The following PDXDC1 variants were observed in gnomAD, a reference collection of about 807,000 sequenced individuals.
The protein encoded by PDXDC1 is pyridoxal-dependent decarboxylase domain-containing protein 1.
Under a neutral mutation model 100.1 loss-of-function variants are expected in PDXDC1, and 42 were observed. The observed-to-expected ratio is 0.42, with a 90% CI of 0.33 to 0.54. The LOEUF (loss-of-function observed/expected upper bound fraction) is 0.54. PDXDC1 is among the 20% of genes least tolerant of loss of function. The pLI, the probability that PDXDC1 is intolerant of heterozygous loss-of-function variation, is 0.10. For missense variants in PDXDC1, 636 were observed against 979.2 expected (o/e 0.65, Z 4.68); for synonymous variants, 260 against 371.7 (o/e 0.70, Z 3.46).
At chr16:15,075,330 T>C (rs1424578138) in intron 16 of PDXDC1, among the ~76,000 whole-genome samples, 1 of 151,608 alleles carries the variant, frequency 6.6e-6, no homozygotes, top group Admixed American at 6.6e-5. Flanking sequence ...ACCAACACTT[T>C]GGGAGGCCAA....
chr16:15,032,780 A>T lies in PDXDC1; in HGVS notation c.1572-81A>T. On this transcript the variant is annotated intron_variant, in intron 17 of 22. Transcript: ENST00000396410. ...CTGGTTCCACTGCATTGTCTTGCTA[A>T]TATTTAGAGGTTTCTAATCCTGTAT... 7.1e-6 allele frequency: 6 copies of T among 843,794 alleles called. No homozygotes were observed. The South Asian group carries it at 8.6e-5, about 12-fold the overall frequency. 52.3% of individuals were successfully genotyped at this position (843,794 alleles called of 1,614,324 possible).
chr16:14,977,091 ATC>A (rs1305306782), intron 1 of PDXDC1, among the ~76,000 whole-genome samples: 1 of 152,280 alleles, frequency 6.6e-6, no homozygotes, highest in African/African-American at 2.4e-5. Context: ...ATGATAAAAG[ATC>A]TTAAACTCTC....
chr16:15,019,027 T>G (rs2151514138), intron 12 of PDXDC1, 62 bp downstream of exon 12: 1 of 1,595,742 alleles, frequency 6.3e-7, no homozygotes, highest in East Asian at 2.3e-5. Context: ...CAGAAAAACA[T>G]CTCATTTCTG....
intron 16 of PDXDC1, among the ~76,000 whole-genome samples, chr16:15,059,361 T>C (rs1359743502): frequency 1.3e-5 from 2 of 152,278 alleles, no homozygotes; most frequent in East Asian, 1.9e-4. Flanking sequence ...ATGGAAGAAA[T>C]AGAAGTTATC....
intron 4 of PDXDC1, among the ~76,000 whole-genome samples, chr16:15,003,368 C>T (rs547236970): frequency 9.4e-3 from 1,431 of 151,828 alleles, no homozygotes; most frequent in Middle Eastern, 0.038. Context: ...AGGTGCCCAC[C>T]ACCAGGCCCG....
chr16:15,076,697 C>T, intron 16 of PDXDC1: 1 of 1,334,398 alleles, frequency 7.5e-7, no homozygotes, highest in Non-Finnish European at 1.1e-6. Context: ...TTAAAAAATA[C>T]AACTATGTTA....
chr16:15,086,688 T>C (rs2045927431), intron 16 of PDXDC1, among the ~76,000 whole-genome samples: 1 of 152,198 alleles, frequency 6.6e-6, no homozygotes, highest in South Asian at 2.1e-4. Context: ...TTAAATGCAA[T>C]ACTTCAGCCT....
In PDXDC1 at chr16:15,128,669, C is replaced by T. The variant is rs542076998; in HGVS notation, c.1400-10210C>T. Among the ~76,000 whole-genome samples the T allele has an allele frequency of 4.5e-4, 69 of 152,170 alleles. No individual in the cohort carries two copies. In the East Asian group the frequency reaches 0.012, roughly 26 times the overall value. Reference sequence around the variant, plus strand: ...TCAGTCCACACCACAACCAGTGACCCGCACTGCACACCTGTCCACGCCTCA... The same window carrying T: ...TCAGTCCACACCACAACCAGTGACCTGCACTGCACACCTGTCCACGCCTCA... On this transcript the variant is annotated intron_variant, in intron 16 of 16. Transcript: ENST00000535621.
chr16:15,139,950 G>A (rs185103158), downstream of PDXDC1, among the ~76,000 whole-genome samples: 44 of 152,078 alleles, frequency 2.9e-4, no homozygotes, highest in Admixed American at 2.2e-3. Flanking sequence ...GCAAAAATTA[G>A]GTGGGCGTGG....
intron 1 of PDXDC1, among the ~76,000 whole-genome samples, chr16:14,976,536 G>A (rs1200726592): frequency 4.6e-5 from 7 of 152,276 alleles, no homozygotes; most frequent in African/African-American, 1.4e-4. Context: ...GTGTTTTCCT[G>A]GCTGGGAATA....
At chr16:15,148,280 T>C in the PDXDC1 span, among the ~76,000 whole-genome samples, 9 of 151,670 alleles carry the variant, frequency 5.9e-5, no homozygotes, top group East Asian at 1.8e-3. Context: ...GATTTCCGTT[T>C]CCCTCATGAC....
intron 16 of PDXDC1, chr16:15,125,814 G>A (rs750383152): frequency 7.8e-6 from 9 of 1,157,310 alleles, no homozygotes; most frequent in Non-Finnish European, 1.2e-5. Context: ...CCACCTGCAG[G>A]ACGACAGCAG....
rs2043524204 is a variant in PDXDC1, at chr16:15,037,399, CTTAG to C, written c.*1128_*1131del. ...GTTTCTGGACTGTAGTATTGGAAGC[CTTAG>C]TTATAGTATATTAAGCCTATAATTA... On this transcript the variant is annotated 3_prime_UTR_variant, in exon 23 of 23. Transcript: ENST00000396410. 1 of 152,042 alleles carries C rather than the reference CTTAG, an allele frequency of 6.6e-6. No individual in the cohort carries two copies. The highest frequency in any genetic ancestry group is 6.6e-5 in the Admixed American group (1 of 15,256). The allele number at this position is 152,042 out of a possible 1,614,324, so 9.4% of individuals were successfully genotyped here. A position where few individuals can be genotyped will look rare whatever the true frequency, so the allele number is the denominator to read the frequency against.
At chr16:15,103,394 T>G in intron 16 of PDXDC1, 1 of 620,340 alleles carries the variant, frequency 1.6e-6, no homozygotes, top group Non-Finnish European at 2.8e-6. Flanking sequence ...ACCCCGAGTA[T>G]CCCCTGGGCA....
chr16:15,003,458 C>T (rs1409218906), intron 4 of PDXDC1, among the ~76,000 whole-genome samples: 4 of 152,266 alleles, frequency 2.6e-5, no homozygotes, highest in African/African-American at 7.2e-5. Flanking sequence ...CCTCGTGATC[C>T]GCCCGCCTTG....
rs2043469932 is a variant in PDXDC1, at chr16:15,036,614, TG to T, written c.*341del. On this transcript the variant is annotated 3_prime_UTR_variant, in exon 23 of 23. Coordinates refer to ENST00000396410, the MANE Select transcript of PDXDC1 (RefSeq NM_015027.4). The stretch of plus-strand genomic sequence containing the variant: ...AAGCCTAAGTATATGAGGTTGCCCG[TG>T]GCAACTTTTTGGTAAAACAGCTTTT... 3.4e-6 allele frequency: 1 copy of T among 291,580 alleles called. No homozygotes were observed. The highest frequency in any genetic ancestry group is 2.1e-5 in the African/African-American group (1 of 46,778). The allele number at this position is 291,580 out of a possible 1,614,324, so 18.1% of individuals were successfully genotyped here.
intron 8 of PDXDC1, among the ~76,000 whole-genome samples, chr16:15,013,453 G>A (rs570250281): frequency 3.9e-3 from 590 of 152,198 alleles, no homozygotes; most frequent in Non-Finnish European, 6.0e-3. Context: ...AATTATATTG[G>A]GGTTGATGGG....
chr16:15,084,735 A>T, intron 16 of PDXDC1: 1 of 1,552,980 alleles, frequency 6.4e-7, no homozygotes, highest in Non-Finnish European at 8.9e-7. Context: ...GAGTATGAGC[A>T]TCAAAACAAA....
intron 16 of PDXDC1, chr16:15,137,259 C>G: frequency 1.2e-6 from 1 of 806,074 alleles, no homozygotes; most frequent in South Asian, 1.6e-5. Flanking sequence ...CCTGGGGAGG[C>G]AGGGAAGACG....
Sources: allele counts gnomAD v4.1 joint callset (sites outside exome capture counted in the v4.1 genomes callset), GRCh38; gene constraint gnomAD v4.1.1; transcripts MANE v1.5; gene names NCBI Gene and HGNC (gene_info 2026-07-23, HGNC 2026-07-21).